The following ZNRF3 variants were observed in gnomAD, a reference collection of about 807,000 sequenced individuals.
The protein encoded by ZNRF3 is E3 ubiquitin-protein ligase ZNRF3.
A neutral mutation model predicts 72.5 loss-of-function variants in ZNRF3; 23 were observed. The observed-to-expected ratio is 0.32, with a 90% confidence interval of 0.23 to 0.45. The LOEUF (loss-of-function observed/expected upper bound fraction) is 0.45. Ranked by LOEUF, ZNRF3 falls within the 20% of genes least tolerant of loss-of-function variation. The pLI, the probability that ZNRF3 is intolerant of heterozygous loss-of-function variation, is 1.00. For missense variants in ZNRF3, 1,169 were observed against 1,272.1 expected, an observed-to-expected ratio of 0.92 and a Z score of 1.23; for synonymous variants, 610 against 545.3, an observed-to-expected ratio of 1.12 and a Z score of -1.65.
At chr22:29,046,551 G>A (rs1054991253) in intron 5 of ZNRF3, among the ~76,000 whole-genome samples, 165 bp from the exon 6 acceptor site, 5 of 152,170 alleles carry the variant, frequency 3.3e-5, no homozygotes, top group Non-Finnish European at 5.9e-5. Context: ...CGCGTCTGGA[G>A]AATATGTGCT....
At chr22:29,032,095 G>A (rs556701059) in intron 2 of ZNRF3, among the ~76,000 whole-genome samples, 13 of 152,312 alleles carry the variant, frequency 8.5e-5, no homozygotes, top group African/African-American at 2.9e-4. Flanking sequence ...GGGTTGGGCC[G>A]CTGTATGGTG....
intron 1 of ZNRF3, among the ~76,000 whole-genome samples, chr22:28,981,468 G>T (rs1214947985): frequency 6.6e-6 from 1 of 152,140 alleles, no homozygotes; most frequent in Non-Finnish European, 1.5e-5. Flanking sequence ...AGGATTATAG[G>T]TGTGTGTCAC....
In ZNRF3 at chr22:28,908,756, G is replaced by A. The variant is rs543388044; in HGVS notation, c.300+24690G>A. ...AGAAGGCCTGCATTAATAATACAAT[G>A]ATAAGACCTGTGCTTTCAGTTTGTG... On this transcript the variant is annotated intron_variant, in intron 1 of 8. Transcript: ENST00000544604. Among the ~76,000 whole-genome samples, 29 of 152,282 alleles carry A rather than the reference G, an allele frequency of 1.9e-4. No individual in the cohort carries two copies. The South Asian group carries it at 5.2e-3, about 27-fold the overall frequency.
intron 1 of ZNRF3, among the ~76,000 whole-genome samples, chr22:28,980,402 C>T (rs1329190363): frequency 6.6e-6 from 1 of 152,254 alleles, no homozygotes; most frequent in Non-Finnish European, 1.5e-5. Context: ...GAAATCAACT[C>T]ATCTGCCTAG....
In ZNRF3 at chr22:29,044,860, C is replaced by T. The variant is rs149582571; in HGVS notation, c.714C>T (p.Val238=). 2.7e-3 allele frequency: 4,390 copies of T among 1,614,006 alleles called. 13 individuals are homozygous for T. Among genetic ancestry groups the T allele is most frequent in the Non-Finnish European group, 3.3e-3 (3,885 of 1,179,968 alleles). The change falls in exon 5 of 9, where the codon GTC becomes GTT. Residue 238 remains valine, a synonymous_variant. Transcript: ENST00000544604. ...CCTTGGTCTGCCTCATCCTCCTTGTCAAAATCAAGCTGAAGCAGCGACGCA... is the reference window on the plus strand; with the variant it reads ...CCTTGGTCTGCCTCATCCTCCTTGTTAAAATCAAGCTGAAGCAGCGACGCA... The part of the protein sequence containing the change: ...VVSLVCLILL[V]KIKLKQRRSQ...
At chr22:28,986,834 A>G (rs915676937) in intron 1 of ZNRF3, among the ~76,000 whole-genome samples, 1 of 152,210 alleles carries the variant, frequency 6.6e-6, no homozygotes, top group Non-Finnish European at 1.5e-5. Context: ...TTGGATCACC[A>G]TCACTTACAA....
intron 2 of ZNRF3, among the ~76,000 whole-genome samples, chr22:28,999,645 C>A (rs2036110033): frequency 6.6e-6 from 1 of 152,204 alleles, no homozygotes; most frequent in African/African-American, 2.4e-5. Context: ...TCTGGCCATG[C>A]ACATACGTTA....
chr22:28,954,706 C>T (rs558628709), intron 1 of ZNRF3, among the ~76,000 whole-genome samples: 82 of 152,110 alleles, frequency 5.4e-4, no homozygotes, highest in Middle Eastern at 3.4e-3. Context: ...TGGCTCACCA[C>T]AGCCTCTACC....
intron 2 of ZNRF3, chr22:29,025,949 G>A (rs1392835917): frequency 6.6e-6 from 1 of 152,204 alleles, no homozygotes; most frequent in Non-Finnish European, 1.5e-5. Context: ...CACCCCGGAT[G>A]CGTGGTAGGG....
intron 1 of ZNRF3, among the ~76,000 whole-genome samples, chr22:28,948,842 T>C (rs538760914): frequency 1.1e-4 from 17 of 152,246 alleles, no homozygotes; most frequent in Non-Finnish European, 1.8e-4. Flanking sequence ...GCATTTTGAA[T>C]GGATCTTTTA....
chr22:28,926,136 T>G (rs2034596052), intron 1 of ZNRF3, among the ~76,000 whole-genome samples: 1 of 152,176 alleles, frequency 6.6e-6, no homozygotes, highest in Non-Finnish European at 1.5e-5. Flanking sequence ...CCTACTGCCC[T>G]TCCTTCATCT....
At chr22:28,966,632 A>G (rs1213153070) in intron 1 of ZNRF3, among the ~76,000 whole-genome samples, 2 of 152,116 alleles carry the variant, frequency 1.3e-5, no homozygotes, top group African/African-American at 2.4e-5. Flanking sequence ...AGTTTAAAAA[A>G]GTAAAAAAAA....
intron 2 of ZNRF3, among the ~76,000 whole-genome samples, chr22:29,021,220 G>A (rs980850256): frequency 1.1e-4 from 17 of 151,662 alleles, no homozygotes; most frequent in Non-Finnish European, 2.1e-4. Context: ...GGAAACGAGC[G>A]AAACTCTGTC....
At chr22:28,993,934 A>G (rs1339544721) in intron 2 of ZNRF3, among the ~76,000 whole-genome samples, 2 of 152,136 alleles carry the variant, frequency 1.3e-5, no homozygotes, top group African/African-American at 2.4e-5. Flanking sequence ...CTGCCTCCCA[A>G]AGTGCTGGGA....
chr22:29,020,763 T>TGTGTGTGTGTG lies in ZNRF3; in HGVS notation c.427-21732_427-21731insGTGTGTGTGTG, dbSNP rs1569284145. On this transcript the variant is annotated intron_variant, in intron 2 of 8. Transcript: ENST00000544604. ...GATTTCATTGAGAGGGGCTTTGTTT[T>TGTGTGTGTGTG]TGTGTGTGTGTGGGTGTGTGTGTGT... is the stretch of plus-strand genomic sequence containing the variant. 6.7e-4 allele frequency among the ~76,000 whole-genome samples: 45 copies of TGTGTGTGTGTG among 66,854 alleles called. 1 individual carries two copies. Among genetic ancestry groups the TGTGTGTGTGTG allele is most frequent in the African/African-American group, 1.4e-3 (42 of 29,268 alleles). The allele number at this position is 66,854 out of a possible 152,430, so 43.9% of individuals were successfully genotyped here.
intron 2 of ZNRF3, among the ~76,000 whole-genome samples, chr22:29,008,226 G>A (rs527967925): frequency 1.1e-4 from 17 of 152,320 alleles, no homozygotes; most frequent in African/African-American, 3.6e-4. Flanking sequence ...ACTAGTGAGA[G>A]TAGAAGATCC....
At chr22:29,052,941 C>G (rs1477181652) in intron 8 of ZNRF3, among the ~76,000 whole-genome samples, 1 of 152,140 alleles carries the variant, frequency 6.6e-6, no homozygotes, top group Non-Finnish European at 1.5e-5. Flanking sequence ...TGCACTTCAG[C>G]CTAGGCAACA....
intron 2 of ZNRF3, among the ~76,000 whole-genome samples, chr22:28,988,489 C>T (rs2035895410): frequency 6.6e-6 from 1 of 152,178 alleles, no homozygotes; most frequent in African/African-American, 2.4e-5. Context: ...AACTTCAAGT[C>T]ACTTGTCAAG....
intron 1 of ZNRF3, among the ~76,000 whole-genome samples, chr22:28,972,157 G>T (rs184166169): frequency 1.7e-4 from 26 of 152,236 alleles, no homozygotes; most frequent in Non-Finnish European, 3.2e-4. Flanking sequence ...TATATAAAGT[G>T]TATAATTCAG....
Sources: gnomAD v4.1 joint callset for allele counts (sites outside exome capture counted in the v4.1 genomes callset) on GRCh38, gnomAD v4.1.1 for gene constraint, MANE v1.5 for transcripts, NCBI Gene and HGNC (gene_info 2026-07-23, HGNC 2026-07-21) for gene names.